Variants in ASH1L observed in about 807,000 individuals in gnomAD.
The protein encoded by ASH1L is histone-lysine N-methyltransferase ASH1L.
ASH1L carries 23 observed loss-of-function variants against 269.0 expected under a neutral mutation model. The ratio of observed to expected loss-of-function variants is 0.09; its 90% CI spans 0.06 to 0.12. The LOEUF is 0.12. Among genes scored for constraint, ASH1L ranks in the 10% least tolerant of loss-of-function variants. The probability of loss-of-function intolerance (pLI) is 1.00; values close to 1 mark genes in which losing one functional copy is unlikely to be tolerated. For synonymous variants in ASH1L, 1,187 were observed against 1,253.5 expected (o/e 0.95, Z 1.12); for missense variants, 2,912 against 3,567.8 (o/e 0.82, Z 4.68).
chr1:155,396,221 A>C (rs1275242936), intron 6 of ASH1L: 7 of 152,216 alleles, frequency 4.6e-5, no homozygotes, highest in Non-Finnish European at 8.8e-5. Context: ...GAAAAAAAGA[A>C]GGAAAACAAA....
At chr1:155,387,798 C>T (rs533060594) in intron 7 of ASH1L, among the ~76,000 whole-genome samples, 6 of 152,202 alleles carry the variant, frequency 3.9e-5, no homozygotes, top group Admixed American at 1.3e-4. Flanking sequence ...TTTGTGTCTT[C>T]GCTGATTTCT....
chr1:155,345,525 G>A (rs1257627453), intron 21 of ASH1L, among the ~76,000 whole-genome samples: 4 of 150,358 alleles, frequency 2.7e-5, no homozygotes, highest in Admixed American at 6.6e-5. Flanking sequence ...TGCCCGCCTC[G>A]GCCTCCCAAA....
chr1:155,528,526 A>T (rs1669428849), intron 1 of ASH1L, among the ~76,000 whole-genome samples: 1 of 151,892 alleles, frequency 6.6e-6, no homozygotes, highest in Non-Finnish European at 1.5e-5. Context: ...AGGGTGGGTC[A>T]GTGGCAGGCT....
At chr1:155,410,754 C>A (rs570931210) in intron 6 of ASH1L, among the ~76,000 whole-genome samples, 2 of 150,588 alleles carry the variant, frequency 1.3e-5, no homozygotes, top group Non-Finnish European at 2.9e-5. Context: ...CAGGCCTGAG[C>A]CACTGCGTCT....
At chr1:155,499,245 A>C (rs1376006672) in intron 2 of ASH1L, among the ~76,000 whole-genome samples, 1 of 152,194 alleles carries the variant, frequency 6.6e-6, no homozygotes, top group African/African-American at 2.4e-5. Context: ...CCACCCAAGA[A>C]GTTCTTCTTG....
intron 5 of ASH1L, among the ~76,000 whole-genome samples, chr1:155,425,775 C>T (rs1174996081): frequency 1.3e-5 from 2 of 151,994 alleles, no homozygotes; most frequent in Non-Finnish European, 2.9e-5. Flanking sequence ...GAAGAGGTTT[C>T]ACCACGTTGG....
At chr1:155,522,246 T>C (rs1668940547) in intron 1 of ASH1L, among the ~76,000 whole-genome samples, 1 of 152,240 alleles carries the variant, frequency 6.6e-6, no homozygotes, top group African/African-American at 2.4e-5. Context: ...ATGCAGATAT[T>C]ATCTTTGTTG....
chr1:155,546,685 G>C (rs1264175318), intron 1 of ASH1L, among the ~76,000 whole-genome samples: 1 of 151,842 alleles, frequency 6.6e-6, no homozygotes, highest in East Asian at 2.0e-4. Flanking sequence ...TTGAACTCGG[G>C]GGGCAGAGGT....
At chr1:155,462,183 T>C (rs1330551215) in intron 3 of ASH1L, among the ~76,000 whole-genome samples, 1 of 152,224 alleles carries the variant, frequency 6.6e-6, no homozygotes, top group Non-Finnish European at 1.5e-5. Flanking sequence ...TTTGGTACTA[T>C]GCTAGATATT....
chr1:155,429,526 A>G (rs372801435), intron 5 of ASH1L, among the ~76,000 whole-genome samples: 2 of 152,162 alleles, frequency 1.3e-5, no homozygotes, highest in African/African-American at 4.8e-5. Context: ...GGCTTCCAAA[A>G]TTGCTGAAAT....
intron 5 of ASH1L, among the ~76,000 whole-genome samples, chr1:155,417,580 TG>T (rs1660318778): frequency 6.6e-6 from 1 of 152,128 alleles, no homozygotes. Flanking sequence ...AGAAAGACAT[TG>T]TTCAACAATA....
chr1:155,446,359 C>T (rs1186987947), intron 4 of ASH1L, among the ~76,000 whole-genome samples: 1 of 146,426 alleles, frequency 6.8e-6, no homozygotes, highest in Non-Finnish European at 1.5e-5. Flanking sequence ...AGTGCAGTGG[C>T]ATGATCTTGG....
In ASH1L at chr1:155,437,449, C is replaced by T. The variant is rs114099759; in HGVS notation, c.5828+878G>A. 3.9e-3 allele frequency among the ~76,000 whole-genome samples: 599 copies of T among 152,194 alleles called. 5 individuals carry two copies. The highest frequency in any genetic ancestry group is 7.2e-3 in the Non-Finnish European group (491 of 68,016). The stretch of plus-strand genomic sequence containing the variant: ...GCTATAAAAAAAAAATTGAAAATAG[C>T]AAGTGTTGGTGAGGATGTAAACTGA... On this transcript the variant is annotated intron_variant, in intron 5 of 27. Transcript: ENST00000392403.
intron 12 of ASH1L, 133 bp from the exon 13 acceptor site, chr1:155,360,542 C>T (rs1442724374): frequency 1.4e-5 from 8 of 571,068 alleles, no homozygotes; most frequent in African/African-American, 1.9e-5. Context: ...TTCCCGGATT[C>T]AAGCGATTCT....
At chr1:155,549,375 C>A (rs893226630) in intron 1 of ASH1L, among the ~76,000 whole-genome samples, 2 of 152,048 alleles carry the variant, frequency 1.3e-5, no homozygotes, top group African/African-American at 4.8e-5. Flanking sequence ...CAGTGGCTCA[C>A]GCCTGTAATC....
chr1:155,358,521 TA>T (rs925436886), intron 13 of ASH1L, among the ~76,000 whole-genome samples: 4 of 151,190 alleles, frequency 2.6e-5, no homozygotes, highest in South Asian at 2.1e-4. Context: ...CAGTCTCTAC[TA>T]AAAAAAATAC....
intron 19 of ASH1L, among the ~76,000 whole-genome samples, chr1:155,348,899 A>AAT (rs1553243192): frequency 0.085 from 11,295 of 132,432 alleles, 1,113 homozygotes; most frequent in African/African-American, 0.23. Context: ...AAAAAAAAAA[A>AAT]ATATATATAT....
At chr1:155,373,233 C>G (rs1440986779) in intron 10 of ASH1L, among the ~76,000 whole-genome samples, 1 of 146,736 alleles carries the variant, frequency 6.8e-6, no homozygotes, top group Non-Finnish European at 1.5e-5. Context: ...AAAAAAAAAA[C>G]AAAAAAAAAC....
At chr1:155,449,664 C>T (rs545879346) in intron 4 of ASH1L, among the ~76,000 whole-genome samples, 16 of 151,944 alleles carry the variant, frequency 1.1e-4, no homozygotes, top group African/African-American at 3.4e-4. Flanking sequence ...GGACTACAGG[C>T]GCCCGCCACC....
Sources: allele counts gnomAD v4.1 joint callset (sites outside exome capture counted in the v4.1 genomes callset), GRCh38; gene constraint gnomAD v4.1.1; transcripts MANE v1.5; gene names NCBI Gene and HGNC (gene_info 2026-07-23, HGNC 2026-07-21).